RGS12: variants seen among roughly 807,000 people sequenced by gnomAD.
RGS12 encodes the protein regulator of G protein signaling 12.
A neutral mutation model predicts 120.1 loss-of-function variants in RGS12; 66 were observed. That is an observed-to-expected ratio of 0.55 (90% confidence interval 0.45 to 0.67). The LOEUF (loss-of-function observed/expected upper bound fraction) is 0.67. Among genes scored for constraint, RGS12 ranks in the 30% least tolerant of loss-of-function variants. The pLI, the probability that RGS12 is intolerant of heterozygous loss-of-function variation, is 0.00. For synonymous variants in RGS12, 827 were observed against 804.7 expected (o/e 1.03, Z -0.47); for missense variants, 1,859 against 1,957.7 (o/e 0.95, Z 0.95).
Position 3,411,770 on chromosome 4 carries a change from G to C in RGS12, c.2021-2302G>C, listed in dbSNP as rs370126804. Among the ~76,000 whole-genome samples, 196 of 152,406 alleles carry C rather than the reference G, an allele frequency of 1.3e-3. 1 individual carries two copies. The highest frequency in any genetic ancestry group is 4.4e-3 in the African/African-American group (181 of 41,602). ...GCAGAACGGGGCACTTGCCACATGGGGGGGAGTCTTGGATGTTGGGATTCT... is the reference window on the plus strand; with the variant it reads ...GCAGAACGGGGCACTTGCCACATGGCGGGGAGTCTTGGATGTTGGGATTCT... On this transcript the variant is annotated intron_variant, in intron 4 of 17. Transcript: ENST00000336727.
intron 1 of RGS12, among the ~76,000 whole-genome samples, chr4:3,300,039 G>A (rs1188634047): frequency 6.6e-6 from 1 of 152,220 alleles, no homozygotes; most frequent in Non-Finnish European, 1.5e-5. Flanking sequence ...TATAAAATAA[G>A]GTTGTTGTGA....
intron 13 of RGS12, 24 bp downstream of exon 13, chr4:3,423,665 C>T (rs374494988): frequency 2.0e-5 from 32 of 1,593,176 alleles, no homozygotes; most frequent in African/African-American, 1.3e-4. Flanking sequence ...GGGGCCCGGG[C>T]GTCGTCACCG....
rs939311768 is a variant in RGS12, at chr4:3,433,338, A to G, written c.4114+2383A>G. The stretch of plus-strand genomic sequence containing the variant: ...CCTCCCCATTGCCATGGTGGGCAGC[A>G]TGCCGGCTACGCGTGGGGGCTGCCA... On this transcript the variant is annotated intron_variant, in intron 17 of 17. Coordinates refer to ENST00000336727, the MANE Select transcript of RGS12 (RefSeq NM_001394154.1). The surrounding 1 kb of genome is among the most constrained non-coding windows in gnomAD (Gnocchi z 4.4). 5.9e-5 allele frequency among the ~76,000 whole-genome samples: 9 copies of G among 152,186 alleles called. No homozygotes were observed. The highest frequency in any genetic ancestry group is 1.9e-4 in the African/African-American group (8 of 41,456).
At chr4:3,430,101 C>T (rs140527906) in intron 16 of RGS12, among the ~76,000 whole-genome samples, 22 of 152,334 alleles carry the variant, frequency 1.4e-4, no homozygotes, top group African/African-American at 3.1e-4. Flanking sequence ...CCTACTCAGA[C>T]GGCATCAGCG....
chr4:3,308,839 T>G (rs1724122566), intron 1 of RGS12, among the ~76,000 whole-genome samples: 2 of 152,260 alleles, frequency 1.3e-5, no homozygotes, highest in African/African-American at 4.8e-5. Context: ...TGTCATCTGT[T>G]GCATCCCGGG....
intron 17 of RGS12, among the ~76,000 whole-genome samples, chr4:3,434,376 C>T (rs1428905983): frequency 6.6e-6 from 1 of 152,142 alleles, no homozygotes; most frequent in African/African-American, 2.4e-5. Context: ...GGTGGGGACA[C>T]GGAGCCAAAC....
At chr4:3,300,965 G>A (rs115016439) in intron 1 of RGS12, among the ~76,000 whole-genome samples, 3,734 of 152,326 alleles carry the variant, frequency 0.025, 159 homozygotes, top group African/African-American at 0.084. Context: ...AGACCTGGGG[G>A]TGGTGAGGAG....
At chr4:3,339,840 C>T (rs547472218) in intron 2 of RGS12, among the ~76,000 whole-genome samples, 6 of 152,230 alleles carry the variant, frequency 3.9e-5, no homozygotes, top group Non-Finnish European at 7.4e-5. Context: ...ATTTGTTTTT[C>T]GCAGGCACAC....
rs375636018 is a variant in RGS12 at position 3,331,101 on chromosome 4, A to G, written c.1882-11836A>G. Among the ~76,000 whole-genome samples the G allele has an allele frequency of 1.9e-4, 29 of 152,326 alleles. No homozygotes were observed. The East Asian group carries it at 3.7e-3, about 19-fold the overall frequency. On this transcript the variant is annotated intron_variant, in intron 2 of 17. Coordinates refer to ENST00000336727, the MANE Select transcript of RGS12 (RefSeq NM_001394154.1). Reference sequence around the variant, plus strand: ...CCTGTCACGCAAAGCGGATCAATACATTACTGATAGGAAAAGCTCCCAAGG... The same window carrying G: ...CCTGTCACGCAAAGCGGATCAATACGTTACTGATAGGAAAAGCTCCCAAGG...
intron 3 of RGS12, 199 bp downstream of exon 3, chr4:3,343,252 C>T (rs1713436110): frequency 1.9e-6 from 1 of 528,910 alleles, no homozygotes; most frequent in African/African-American, 1.9e-5. Flanking sequence ...TCTGAGCTGT[C>T]ACAGGGCTTT....
intron 4 of RGS12, among the ~76,000 whole-genome samples, chr4:3,397,827 C>T (rs567124536): frequency 6.6e-6 from 1 of 152,312 alleles, no homozygotes; most frequent in Non-Finnish European, 1.5e-5. Context: ...AATTATAGAT[C>T]ATGCAGAAAA....
chr4:3,382,959 A>C (rs1373894281), intron 3 of RGS12, among the ~76,000 whole-genome samples: 1 of 151,952 alleles, frequency 6.6e-6, no homozygotes, highest in Non-Finnish European at 1.5e-5. Context: ...CTCTGCTGAT[A>C]CCCACTCATG....
intron 4 of RGS12, among the ~76,000 whole-genome samples, chr4:3,391,349 A>G (rs1428366171): frequency 6.6e-6 from 1 of 152,236 alleles, no homozygotes; most frequent in Non-Finnish European, 1.5e-5. Flanking sequence ...AGATATTTGG[A>G]GAGTTTTTAT....
rs909504686 is a variant in RGS12 at position 3,422,415 on chromosome 4, G to A, written c.2878G>A (p.Ala960Thr). 3.7e-6 allele frequency: 6 copies of A among 1,612,922 alleles called. No homozygotes were observed. Among genetic ancestry groups the A allele is most frequent in the South Asian group, 3.3e-5 (3 of 91,066 alleles). Reference protein sequence around the residue: ...CRTLAPEKDKATKHCCIHLPD... With the variant: ...CRTLAPEKDKTTKHCCIHLPD... ...GACTTTGGCACCCGAGAAGGACAAGGCCACCAAGCACTGCTGCATTCATCT... is the reference window on the plus strand; with the variant it reads ...GACTTTGGCACCCGAGAAGGACAAGACCACCAAGCACTGCTGCATTCATCT... Residue 960 changes from alanine (A) to threonine (T), a missense_variant, in exon 11 of 18, where the codon GCC becomes ACC. By Grantham distance (58) the Ala-to-Thr change is moderately conservative. Coordinates refer to ENST00000336727, the MANE Select transcript of RGS12 (RefSeq NM_001394154.1).
At chr4:3,302,158 G>A (rs756047109) in intron 1 of RGS12, among the ~76,000 whole-genome samples, 19 of 152,232 alleles carry the variant, frequency 1.2e-4, no homozygotes, top group Non-Finnish European at 2.1e-4. Context: ...CAAAGATACT[G>A]AAATAGTGTT....
At chr4:3,369,328 C>T (rs1716726435) in intron 3 of RGS12, among the ~76,000 whole-genome samples, 1 of 152,226 alleles carries the variant, frequency 6.6e-6, no homozygotes, top group African/African-American at 2.4e-5. Flanking sequence ...GGGTTCTGCT[C>T]ACTGAACACT....
chr4:3,302,824 C>T (rs991606803), intron 1 of RGS12, among the ~76,000 whole-genome samples: 3 of 151,950 alleles, frequency 2.0e-5, no homozygotes, highest in East Asian at 3.9e-4. Flanking sequence ...GCCACAGAGT[C>T]GTGGGGGGAG....
At chr4:3,375,164 C>T (rs1182537358) in intron 3 of RGS12, among the ~76,000 whole-genome samples, 12 of 152,140 alleles carry the variant, frequency 7.9e-5, no homozygotes, top group African/African-American at 1.2e-4. Flanking sequence ...TTTAGCTGCA[C>T]GGGAGGTCAT....
chr4:3,352,107 G>A (rs542871888), intron 3 of RGS12, among the ~76,000 whole-genome samples: 22 of 152,250 alleles, frequency 1.4e-4, no homozygotes, highest in Admixed American at 3.9e-4. Flanking sequence ...ACATTAAACC[G>A]GGTGTGCAGA....
Sources: gnomAD v4.1 joint callset for allele counts (sites outside exome capture counted in the v4.1 genomes callset) on GRCh38, gnomAD v4.1.1 for gene constraint, Gnocchi (gnomAD v3.1) non-coding constraint, MANE v1.5 for transcripts, NCBI Gene and HGNC (gene_info 2026-07-23, HGNC 2026-07-21) for gene names.